The following TAPBPL variants were observed in gnomAD, a reference collection of about 807,000 sequenced individuals.
TAPBPL encodes the protein tapasin-related protein.
A neutral mutation model predicts 44.8 loss-of-function variants in TAPBPL; 32 were observed. The ratio of observed to expected loss-of-function variants is 0.71; its 90% CI spans 0.54 to 0.96. TAPBPL has a LOEUF of 0.96. TAPBPL is among the 40% of genes least tolerant of loss of function. The pLI is 0.00. For synonymous variants in TAPBPL, 230 were observed against 240.7 expected (o/e 0.96, Z 0.41); for missense variants, 520 against 586.6 (o/e 0.89, Z 1.17).
chr12:6,464,036 C>T (rs2137001978), downstream of TAPBPL: 2 of 1,295,408 alleles, frequency 1.5e-6, no homozygotes, highest in South Asian at 2.5e-5. Context: ...GAGTGAGCTG[C>T]CATCTTCCCA....
intron 6 of TAPBPL, among the ~76,000 whole-genome samples, chr12:6,461,694 C>G (rs1049263318): frequency 2.0e-5 from 3 of 152,250 alleles, no homozygotes; most frequent in African/African-American, 7.2e-5. Context: ...AATTAGGGTT[C>G]TGCTCCCTCG....
chr12:6,457,161 G>A (rs1949722972), intron 3 of TAPBPL, among the ~76,000 whole-genome samples: 1 of 152,210 alleles, frequency 6.6e-6, no homozygotes, highest in Admixed American at 6.5e-5. Context: ...CCTGGTGGGA[G>A]ATCCATAGCT....
intron 1 of TAPBPL, chr12:6,452,653 C>T (rs1049242120): frequency 4.6e-5 from 58 of 1,248,778 alleles, no homozygotes; most frequent in South Asian, 1.9e-4. Flanking sequence ...ACCTTGAAGG[C>T]GGGGGAGGGG....
At chr12:6,470,680 A>T (rs888450687), downstream of TAPBPL, 22 of 1,005,238 alleles carry the variant, frequency 2.2e-5, no homozygotes, top group African/African-American at 3.4e-4. Context: ...AACTTACTGC[A>T]GCTGCCGCGC....
chr12:6,454,016 A>G (rs1296489801), intron 3 of TAPBPL, among the ~76,000 whole-genome samples: 4 of 141,830 alleles, frequency 2.8e-5, no homozygotes, highest in Non-Finnish European at 6.2e-5. Flanking sequence ...ACTCCATCTC[A>G]AAAAAAAAAA....
intron 5 of TAPBPL, among the ~76,000 whole-genome samples, chr12:6,460,478 G>A (rs1949825120): frequency 6.6e-6 from 1 of 152,096 alleles, no homozygotes; most frequent in African/African-American, 2.4e-5. Flanking sequence ...TGTTGCCCAG[G>A]CTGGTCTCGA....
At chr12:6,464,933 GATC>G, downstream of TAPBPL, 2 of 1,613,884 alleles carry the variant, frequency 1.2e-6, no homozygotes, top group Non-Finnish European at 8.5e-7. Flanking sequence ...CTCCCAGCAT[GATC>G]ATCATCTGAG....
Position 6,453,996 on chromosome 12 carries a change from C to T in TAPBPL, c.565+280C>T, listed in dbSNP as rs1949636264. 6.7e-6 allele frequency among the ~76,000 whole-genome samples: 1 copy of T among 148,980 alleles called. No individual in the cohort carries two copies. The highest frequency in any genetic ancestry group is 1.5e-5 in the Non-Finnish European group (1 of 67,334). On this transcript the variant is annotated intron_variant, in intron 3 of 6. Coordinates refer to ENST00000266556, the MANE Select transcript of TAPBPL (RefSeq NM_018009.5). The surrounding 1 kb of genome is among the most constrained non-coding windows in gnomAD (Gnocchi z 4.8). ...CACCATGGCACTTCAGCCTGGGCAA[C>T]AAGAGCGAAACTCCATCTCAAAAAA... is the stretch of plus-strand genomic sequence containing the variant.
chr12:6,468,639 G>C (rs1395942077), downstream of TAPBPL, among the ~76,000 whole-genome samples: 4 of 152,186 alleles, frequency 2.6e-5, no homozygotes, highest in Non-Finnish European at 4.4e-5. Flanking sequence ...ATCCCAAAGA[G>C]AGATCTTGGT....
At chr12:6,468,046 A>G (rs1945673070), downstream of TAPBPL, among the ~76,000 whole-genome samples, 1 of 152,230 alleles carries the variant, frequency 6.6e-6, no homozygotes, top group Non-Finnish European at 1.5e-5. Context: ...CTAGTGTAGT[A>G]CAGAAGGGAC....
intron 6 of TAPBPL, chr12:6,461,461 A>G: frequency 1.0e-6 from 1 of 997,768 alleles, no homozygotes; most frequent in Admixed American, 5.4e-5. Context: ...ACAATGAGGC[A>G]TGGGTTGGGG....
downstream of TAPBPL, chr12:6,470,641 C>A: frequency 6.9e-7 from 1 of 1,456,400 alleles, no homozygotes; most frequent in South Asian, 1.2e-5. Context: ...CCGCCTCGCG[C>A]CGACTACCCC....
In TAPBPL at chr12:6,453,911, A is replaced by C. The variant is rs1172387152; in HGVS notation, c.565+195A>C. Among the ~76,000 whole-genome samples, 2 of 151,504 alleles carry C rather than the reference A, an allele frequency of 1.3e-5. No individual in the cohort carries two copies. Among genetic ancestry groups the C allele is most frequent in the Non-Finnish European group, 2.9e-5 (2 of 67,878 alleles). On this transcript the variant is annotated intron_variant, in intron 3 of 6. Transcript: ENST00000266556. This position sits in a 1 kb window ranked among gnomAD's most constrained non-coding sequence, Gnocchi z 4.8. ...GTGCCTGTAATCCCAGCTACGAGGG[A>C]GGCTGAGGCAGGAGAATCGCTTGAA...
At chr12:6,464,056 T>C (rs1949943267), downstream of TAPBPL, 8 of 1,298,350 alleles carry the variant, frequency 6.2e-6, no homozygotes, top group Non-Finnish European at 7.0e-6. Context: ...AGCCCCTCCC[T>C]AGCTCCTACC....
In TAPBPL at chr12:6,456,905, G is replaced by A. The variant is rs554654819; in HGVS notation, c.566-501G>A. 5.9e-4 allele frequency among the ~76,000 whole-genome samples: 90 copies of A among 152,170 alleles called. 1 individual carries two copies. The South Asian group carries it at 7.3e-3, about 12-fold the overall frequency. On this transcript the variant is annotated intron_variant, in intron 3 of 6. Transcript: ENST00000266556. ...TGACCTCAGGTGATCCACCCACCTC[G>A]GCCCCCCAAAGTGCTGGGATTACCG...
chr12:6,453,201 G>A lies in TAPBPL; in HGVS notation c.199G>A (p.Val67Met). The A allele has an allele frequency of 1.2e-6, 2 of 1,613,350 alleles. No individual in the cohort carries two copies. Among genetic ancestry groups the A allele is most frequent in the South Asian group, 1.1e-5 (1 of 90,768 alleles). ...AAGGGCCTCCCTTGTGCTGAAGCAGGTGCCAGTGCTGGACGATGGCTCCCT... is the reference window on the plus strand; with the variant it reads ...AAGGGCCTCCCTTGTGCTGAAGCAGATGCCAGTGCTGGACGATGGCTCCCT... The part of the protein sequence containing the change: ...RARASLVLKQ[V>M]PVLDDGSLED... The change falls in exon 2 of 7, where the codon GTG becomes ATG. Residue 67 changes from valine (V) to methionine (M), a missense_variant. Transcript: ENST00000266556. This position sits in a 1 kb window ranked among gnomAD's most constrained non-coding sequence, Gnocchi z 4.8.
chr12:6,462,075 A>G lies in TAPBPL; in HGVS notation c.1333A>G (p.Thr445Ala). The change falls in exon 7 of 7, where the codon ACC (threonine) becomes GCC (alanine). Residue 445 changes from threonine (T) to alanine (A), a missense_variant. Thr to Ala is a moderately conservative substitution (Grantham distance 58). Transcript: ENST00000266556. ...LGLLQAERWE[T>A]TSCADTQSSH... ...GCTGCTTCAGGCTGAACGCTGGGAG[A>G]CCACTTCCTGTGCTGACACACAGAG... 6.2e-7 allele frequency: 1 copy of G among 1,613,782 alleles called. No individual in the cohort carries two copies. The highest frequency in any genetic ancestry group is 8.5e-7 in the Non-Finnish European group (1 of 1,179,696).
At chr12:6,452,627 A>T (rs1699481838) in intron 1 of TAPBPL, 3 of 1,293,220 alleles carry the variant, frequency 2.3e-6, no homozygotes, top group Admixed American at 3.8e-5. Flanking sequence ...CAGGTGAGGA[A>T]ATCACTTGGA....
At chr12:6,464,536 A>G (rs201282335), downstream of TAPBPL, 1 of 1,471,466 alleles carries the variant, frequency 6.8e-7, no homozygotes, top group Non-Finnish European at 9.0e-7. Context: ...AAGAGACAGG[A>G]GAAAACAAGA....
Sources: allele counts gnomAD v4.1 joint callset (sites outside exome capture counted in the v4.1 genomes callset), GRCh38; gene constraint gnomAD v4.1.1; non-coding constraint Gnocchi (gnomAD v3.1); transcripts MANE v1.5; gene names NCBI Gene and HGNC (gene_info 2026-07-23, HGNC 2026-07-21).